SCAI: variants seen among roughly 807,000 people sequenced by gnomAD.
SCAI encodes suppressor of cancer cell invasion, also known as protein SCAI.
Under a neutral mutation model 92.2 loss-of-function variants are expected in SCAI, and 24 were observed. That is an observed-to-expected ratio of 0.26 (90% confidence interval 0.19 to 0.37). The LOEUF (loss-of-function observed/expected upper bound fraction) is 0.37, where lower values mean the gene tolerates loss of function less well. SCAI is among the 10% of genes least tolerant of loss of function. The pLI is 1.00. For synonymous variants in SCAI, 261 were observed against 258.6 expected (o/e 1.01, Z -0.09); for missense variants, 450 against 736.2 (o/e 0.61, Z 4.50).
intron 2 of SCAI, among the ~76,000 whole-genome samples, chr9:125,075,184 C>T (rs896021697): frequency 5.9e-5 from 9 of 152,044 alleles, no homozygotes; most frequent in Non-Finnish European, 1.0e-4. Flanking sequence ...GACTCAAAGT[C>T]GCCTACTCCT....
At chr9:125,082,034 A>G (rs1834230618) in intron 2 of SCAI, among the ~76,000 whole-genome samples, 2 of 152,142 alleles carry the variant, frequency 1.3e-5, no homozygotes, top group Admixed American at 6.5e-5. Flanking sequence ...AAGACTATGG[A>G]AAAAATGTCC....
At chr9:125,014,226 G>T (rs377183112) in intron 9 of SCAI, among the ~76,000 whole-genome samples, 5 of 151,694 alleles carry the variant, frequency 3.3e-5, no homozygotes, top group East Asian at 1.9e-4. Flanking sequence ...ATTAGGAAAA[G>T]AGGAAGTCAA....
chr9:124,953,277 T>C (rs1033390979), intron 17 of SCAI, among the ~76,000 whole-genome samples: 3 of 152,256 alleles, frequency 2.0e-5, no homozygotes, highest in Non-Finnish European at 2.9e-5. Flanking sequence ...CTAACACATA[T>C]AGAATTTCAA....
At chr9:125,031,922 C>T (rs1833080675) in intron 3 of SCAI, among the ~76,000 whole-genome samples, 1 of 151,966 alleles carries the variant, frequency 6.6e-6, no homozygotes, top group Non-Finnish European at 1.5e-5. Flanking sequence ...CCAGTCTCTT[C>T]TATTTAGGGT....
intron 15 of SCAI, among the ~76,000 whole-genome samples, chr9:124,973,205 T>C (rs942063288): frequency 5.3e-5 from 8 of 152,242 alleles, no homozygotes; most frequent in Admixed American, 3.9e-4. Flanking sequence ...AGTACTGATA[T>C]GTGGAATTTT....
chr9:125,012,289 C>T (rs1022529790), intron 9 of SCAI, among the ~76,000 whole-genome samples: 1 of 152,180 alleles, frequency 6.6e-6, no homozygotes, highest in African/African-American at 2.4e-5. Flanking sequence ...GGAAACCCAT[C>T]TCACGTGCAG....
chr9:124,976,229 C>A, intron 14 of SCAI, 43 bp from the exon 15 acceptor site: 1 of 1,328,740 alleles, frequency 7.5e-7, no homozygotes, highest in Non-Finnish European at 1.1e-6. Flanking sequence ...AAGATTTGAC[C>A]AAAGATAGTT....
chr9:125,029,225 G>A (rs562158472), intron 4 of SCAI, among the ~76,000 whole-genome samples: 3 of 152,142 alleles, frequency 2.0e-5, no homozygotes, highest in South Asian at 4.2e-4. Context: ...GGGTTCAAGC[G>A]ATTCTCGTGC....
At chr9:125,090,580 A>G (rs898972821) in intron 2 of SCAI, among the ~76,000 whole-genome samples, 5 of 152,196 alleles carry the variant, frequency 3.3e-5, no homozygotes, top group African/African-American at 1.2e-4. Flanking sequence ...ACTTCTTTTC[A>G]TCTCCACTGT....
At chr9:125,128,414 G>A (rs778804479) in intron 2 of SCAI, among the ~76,000 whole-genome samples, 10 of 151,988 alleles carry the variant, frequency 6.6e-5, no homozygotes, top group Non-Finnish European at 1.0e-4. Flanking sequence ...TAGGTCAGGA[G>A]TTCGAGACCA....
At chr9:125,001,565 T>C (rs78929964) in intron 12 of SCAI, among the ~76,000 whole-genome samples, 4,071 of 152,326 alleles carry the variant, frequency 0.027, 200 homozygotes, top group African/African-American at 0.091. Flanking sequence ...CATGTAGCCA[T>C]TGACCGGATT....
rs1679794898 is a variant in SCAI at position 124,952,153 on chromosome 9, T to G, written c.*654A>C. 1.3e-5 allele frequency: 2 copies of G among 152,118 alleles called. No homozygotes were observed. Among genetic ancestry groups the G allele is most frequent in the South Asian group, 4.1e-4 (2 of 4,830 alleles). The allele number at this position is 152,118 out of a possible 1,614,324, so 9.4% of individuals were successfully genotyped here. A position where few individuals can be genotyped will look rare whatever the true frequency, so the allele number is the denominator to read the frequency against. On this transcript the variant is annotated 3_prime_UTR_variant, in exon 18 of 18. Transcript: ENST00000336505. The stretch of plus-strand genomic sequence containing the variant: ...ACAGACTACAAAGAAAATATGCAAA[T>G]AAATCTCATAATACTCATACATTCC...
intron 13 of SCAI, 150 bp downstream of exon 13, chr9:124,999,741 A>C: frequency 1.9e-6 from 1 of 527,364 alleles, no homozygotes; most frequent in Non-Finnish European, 3.3e-6. Context: ...TATTGCTGGA[A>C]TCCAAATAAG....
chr9:124,974,391 T>A, intron 15 of SCAI: 2 of 293,574 alleles, frequency 6.8e-6, no homozygotes, highest in South Asian at 5.3e-5. Flanking sequence ...GAGGCTGAAG[T>A]GAGCTATGAT....
At chr9:124,982,205 A>G (rs1043622363) in intron 14 of SCAI, among the ~76,000 whole-genome samples, 11 of 152,208 alleles carry the variant, frequency 7.2e-5, no homozygotes, top group Admixed American at 5.2e-4. Context: ...AATCACGACA[A>G]TCCTGTGAGA....
At chr9:125,121,907 T>C (rs985107289) in intron 2 of SCAI, among the ~76,000 whole-genome samples, 1 of 152,184 alleles carries the variant, frequency 6.6e-6, no homozygotes, top group Non-Finnish European at 1.5e-5. Flanking sequence ...AACATCTATA[T>C]GACAACTGTG....
intron 6 of SCAI, 54 bp from the exon 7 acceptor site, chr9:125,020,823 ATTTT>A: frequency 2.6e-6 from 2 of 760,634 alleles, no homozygotes; most frequent in South Asian, 1.9e-5. Context: ...ATGCTTTTTG[ATTTT>A]TTTAATTTTC....
intron 2 of SCAI, among the ~76,000 whole-genome samples, chr9:125,099,357 A>G (rs988693295): frequency 2.6e-5 from 4 of 151,312 alleles, no homozygotes; most frequent in Admixed American, 2.0e-4. Flanking sequence ...GTGCGATCTC[A>G]GTTCACTGCA....
At chr9:125,108,951 G>C (rs943781889) in intron 2 of SCAI, among the ~76,000 whole-genome samples, 3 of 152,208 alleles carry the variant, frequency 2.0e-5, no homozygotes, top group Non-Finnish European at 4.4e-5. Context: ...AGAGAAATCA[G>C]GTTGTTGCTG....
Sources: gnomAD v4.1 joint callset for allele counts (sites outside exome capture counted in the v4.1 genomes callset) on GRCh38, gnomAD v4.1.1 for gene constraint, MANE v1.5 for transcripts, NCBI Gene and HGNC (gene_info 2026-07-23, HGNC 2026-07-21) for gene names.